ACTR5: variants seen among roughly 807,000 people sequenced by gnomAD.
ACTR5 encodes the protein actin related protein 5.
A neutral mutation model predicts 61.2 loss-of-function variants in ACTR5; 43 were observed. The ratio of observed to expected loss-of-function variants is 0.70; its 90% CI spans 0.55 to 0.91. The LOEUF is 0.91. Ranked by LOEUF, ACTR5 falls within the 40% of genes least tolerant of loss-of-function variation. The pLI is 0.00. For missense variants in ACTR5, 798 were observed against 782.2 expected (o/e 1.02, Z -0.24); for synonymous variants, 333 against 310.5 (o/e 1.07, Z -0.76).
Position 38,748,556 on chromosome 20 carries a change from C to A in ACTR5, c.78C>A (p.His26Gln). Residue 26 changes from histidine (H) to glutamine (Q), a missense_variant, in exon 1 of 9, where the codon CAC becomes CAA. Transcript: ENST00000243903. ...DPVLEAGPVAHGPLPVPLVLD... is the reference protein window; with the variant it reads ...DPVLEAGPVAQGPLPVPLVLD... The stretch of plus-strand genomic sequence containing the variant: ...TGCTGGAGGCCGGCCCGGTGGCACA[C>A]GGGCCACTGCCGGTACCGCTGGTGC... 6.6e-7 allele frequency: 1 copy of A among 1,512,734 alleles called. No homozygotes were observed. The highest frequency in any genetic ancestry group is 8.8e-7 in the Non-Finnish European group (1 of 1,134,248). The allele number at this position is 1,512,734 out of a possible 1,614,324, so 93.7% of individuals were successfully genotyped here.
rs753680951 is a variant in ACTR5, at chr20:38,752,253, A to T, written c.728A>T (p.Glu243Val). 100 of 1,613,776 alleles carry T rather than the reference A, an allele frequency of 6.2e-5. No homozygotes were observed. In the Admixed American group the frequency reaches 1.7e-3, roughly 27 times the overall value. Residue 243 changes from glutamate to valine, a missense_variant, in exon 3 of 9, where the codon GAG becomes GTG. Glu to Val is a moderately radical substitution (Grantham distance 121). Coordinates refer to ENST00000243903, the MANE Select transcript of ACTR5 (RefSeq NM_024855.4). ...GCAGCCATCACCCTCAGCCGCATGG[A>T]GGAGATTCTGCATGAGCACAGCTAC... ...HLAAITLSRM[E>V]EILHEHSYIA... is the part of the protein sequence containing the mutation.
chr20:38,759,016 G>A (rs1359444282), intron 5 of ACTR5, among the ~76,000 whole-genome samples: 1 of 152,214 alleles, frequency 6.6e-6, no homozygotes, highest in African/African-American at 2.4e-5. Flanking sequence ...CTGTGAGGAT[G>A]TTGTGAAGGA....
chr20:38,753,271 A>C (rs146688796), intron 3 of ACTR5, among the ~76,000 whole-genome samples: 24 of 152,048 alleles, frequency 1.6e-4, no homozygotes, highest in African/African-American at 4.6e-4. Context: ...AGCATGAGGG[A>C]ATTTTTTGGG....
intron 5 of ACTR5, among the ~76,000 whole-genome samples, chr20:38,764,254 C>A (rs2084472222): frequency 6.6e-6 from 1 of 152,182 alleles, no homozygotes; most frequent in South Asian, 2.1e-4. Context: ...CTCAAGCATA[C>A]TTGGCTTTGG....
At chr20:38,762,927 A>G (rs2084463519) in intron 5 of ACTR5, among the ~76,000 whole-genome samples, 1 of 152,250 alleles carries the variant, frequency 6.6e-6, no homozygotes, top group Non-Finnish European at 1.5e-5. Context: ...TCTTCAACCC[A>G]GTAATACAAC....
intron 5 of ACTR5, among the ~76,000 whole-genome samples, chr20:38,759,970 A>G (rs957817712): frequency 6.6e-6 from 1 of 151,738 alleles, no homozygotes; most frequent in Admixed American, 6.6e-5. Flanking sequence ...CTTTGAGACC[A>G]ATCCCTGAGT....
chr20:38,756,009 CGAG>C lies in ACTR5; in HGVS notation c.1148_1150del (p.Glu383del). ...AAATCCTCCAAGCGGAAGTCAACCT[CGAG>C]GTGGATGTGGTAGACAGCAAGCCAG... On this transcript the variant is annotated inframe_deletion, in exon 5 of 9. Transcript: ENST00000243903. 6.2e-7 allele frequency: 1 copy of C among 1,613,398 alleles called. No individual in the cohort carries two copies. Among genetic ancestry groups the C allele is most frequent in the Non-Finnish European group, 8.5e-7 (1 of 1,179,964 alleles).
intron 5 of ACTR5, among the ~76,000 whole-genome samples, chr20:38,763,946 C>T (rs188968682): frequency 6.6e-6 from 1 of 152,168 alleles, no homozygotes; most frequent in Non-Finnish European, 1.5e-5. Context: ...CAGGGTTTAT[C>T]CTCAAGCCTG....
At chr20:38,765,081 T>G (rs1223244098) in intron 5 of ACTR5, among the ~76,000 whole-genome samples, 2 of 152,152 alleles carry the variant, frequency 1.3e-5, no homozygotes. Context: ...GCGTGTGTGG[T>G]GGTGTGACTC....
chr20:38,770,956 C>G (rs1342086718), intron 8 of ACTR5, among the ~76,000 whole-genome samples: 1 of 152,196 alleles, frequency 6.6e-6, no homozygotes, highest in East Asian at 1.9e-4. Context: ...AACTCCAGAA[C>G]ACAGGAGGCC....
chr20:38,764,950 G>C (rs974742023), intron 5 of ACTR5, among the ~76,000 whole-genome samples: 7 of 152,206 alleles, frequency 4.6e-5, no homozygotes, highest in African/African-American at 1.7e-4. Context: ...GGGATTACAG[G>C]CGTGAGCCAC....
intron 2 of ACTR5, among the ~76,000 whole-genome samples, chr20:38,751,371 GA>G (rs2145663547): frequency 6.6e-6 from 1 of 152,256 alleles, no homozygotes; most frequent in East Asian, 1.9e-4. Flanking sequence ...AATTTTTGAA[GA>G]AAAAAGTAAT....
In ACTR5 at chr20:38,752,171, A is replaced by G; in HGVS notation, c.646A>G (p.Ser216Gly). Residue 216 changes from serine (S) to glycine (G), a missense_variant, in exon 3 of 9, where the codon AGC becomes GGC. Transcript: ENST00000243903. ...KNCKRINLGGSQAAGYLQRLL... is the reference protein window; with the variant it reads ...KNCKRINLGGGQAAGYLQRLL... ...CTGCAAGCGCATCAATCTTGGAGGA[A>G]GCCAAGCAGCTGGTTACCTCCAGCG... 1 of 1,613,918 alleles carries G rather than the reference A, an allele frequency of 6.2e-7. No homozygotes were observed. The highest frequency in any genetic ancestry group is 8.5e-7 in the Non-Finnish European group (1 of 1,179,854).
intron 1 of ACTR5, among the ~76,000 whole-genome samples, 188 bp downstream of exon 1, chr20:38,749,041 C>G (rs538006295): frequency 1.3e-5 from 2 of 152,124 alleles, no homozygotes; most frequent in African/African-American, 2.4e-5. Flanking sequence ...TGGAGCATAC[C>G]TTTGGGCATA....
rs959152053 is a variant in ACTR5, at chr20:38,765,486, C to A, written c.1261C>A (p.Pro421Thr). The change falls in exon 6 of 9, where the codon CCT (proline) becomes ACT (threonine). Residue 421 changes from proline to threonine, a missense_variant. By Grantham distance (38) the Pro-to-Thr change is conservative. Transcript: ENST00000243903. ...DFDPLFSEET[P>T]GVEKPVTTVQ... ...TGATCCCTTGTTTTCAGAGGAAACA[C>A]CTGGAGTGGAGAAGCCGGTCACCAC... The A allele has an allele frequency of 2.5e-6, 4 of 1,614,018 alleles. No individual in the cohort carries two copies. Among genetic ancestry groups the A allele is most frequent in the Admixed American group, 3.3e-5 (2 of 60,000 alleles).
chr20:38,750,311 T>G, intron 2 of ACTR5, 72 bp downstream of exon 2: 3 of 1,344,134 alleles, frequency 2.2e-6, no homozygotes, highest in Non-Finnish European at 3.1e-6. Flanking sequence ...CTGCGTGCTT[T>G]AAAGGCAGAG....
chr20:38,769,352 T>C (rs2084506804), intron 8 of ACTR5, among the ~76,000 whole-genome samples: 1 of 152,128 alleles, frequency 6.6e-6, no homozygotes, highest in Admixed American at 6.5e-5. Flanking sequence ...ACAGTATTAC[T>C]TGGTAGCTCT....
intron 5 of ACTR5, 32 bp downstream of exon 5, chr20:38,756,071 C>T (rs755567599): frequency 1.3e-6 from 2 of 1,584,628 alleles, no homozygotes; most frequent in South Asian, 2.3e-5. Flanking sequence ...AGCAGCCCTT[C>T]TTGAGGGGAG....
chr20:38,755,097 CAGGAGCTCAATGCCCGGCGGCGGGAGG>C lies in ACTR5; in HGVS notation c.919_945del (p.Glu307_Glu315del), dbSNP rs2084411775. The C allele has an allele frequency of 6.2e-7, 1 of 1,614,066 alleles. No individual in the cohort carries two copies. ...GCGGCAGCAGCAATTGCGGCGGCTG[CAGGAGCTCAATGCCCGGCGGCGGGAGG>C]AGAAGCTGCAGCTGGATCAGGAGCG... On this transcript the variant is annotated inframe_deletion, in exon 4 of 9. Coordinates refer to ENST00000243903, the MANE Select transcript of ACTR5 (RefSeq NM_024855.4).
Sources: gnomAD v4.1 joint callset for allele counts (sites outside exome capture counted in the v4.1 genomes callset) on GRCh38, gnomAD v4.1.1 for gene constraint, MANE v1.5 for transcripts, NCBI Gene and HGNC (gene_info 2026-07-23, HGNC 2026-07-21) for gene names.